B3GNT2: variants seen among roughly 807,000 people sequenced by gnomAD.
The protein encoded by B3GNT2 is N-acetyllactosaminide beta-1,3-N-acetylglucosaminyltransferase 2.
Under a neutral mutation model 27.6 loss-of-function variants are expected in B3GNT2, and 12 were observed. That is an observed-to-expected ratio of 0.44 (90% CI 0.28 to 0.71). The LOEUF (loss-of-function observed/expected upper bound fraction) is 0.71. Ranked by LOEUF, B3GNT2 falls within the 30% of genes least tolerant of loss-of-function variation. B3GNT2 has a pLI of 0.17. For missense variants in B3GNT2, 413 were observed against 488.5 expected (o/e 0.85, Z 1.46); for synonymous variants, 192 against 189.7 (o/e 1.01, Z -0.10).
intron 1 of B3GNT2, among the ~76,000 whole-genome samples, chr2:62,203,344 G>C (rs1674306877): frequency 6.6e-6 from 1 of 152,132 alleles, no homozygotes; most frequent in South Asian, 2.1e-4. Context: ...AGGTATATTG[G>C]GGCATTTTTT....
At chr2:62,200,039 A>AT (rs1316707341) in intron 1 of B3GNT2, among the ~76,000 whole-genome samples, 8 of 152,172 alleles carry the variant, frequency 5.3e-5, no homozygotes, top group African/African-American at 1.7e-4. Context: ...GGAAAAAGTT[A>AT]TTTGTACTGA....
chr2:62,202,438 G>T (rs569988616), intron 1 of B3GNT2, among the ~76,000 whole-genome samples: 1 of 152,314 alleles, frequency 6.6e-6, no homozygotes, highest in East Asian at 1.9e-4. Flanking sequence ...CATTGGGTTT[G>T]GAGTGCATGG....
chr2:62,204,121 G>C lies in B3GNT2; in HGVS notation c.-10+7766G>C, dbSNP rs578246081. Among the ~76,000 whole-genome samples, 4 of 152,224 alleles carry C rather than the reference G, an allele frequency of 2.6e-5. No individual in the cohort carries two copies. The South Asian group carries it at 8.3e-4, about 32-fold the overall frequency. Reference sequence around the variant, plus strand: ...GGCTCACTGCAACCTCTTTCTCCTGGGTTCAAGCAATTCTCCTGCCTCAGT... The same window carrying C: ...GGCTCACTGCAACCTCTTTCTCCTGCGTTCAAGCAATTCTCCTGCCTCAGT... On this transcript the variant is annotated intron_variant, in intron 1 of 1. Coordinates refer to ENST00000301998, the MANE Select transcript of B3GNT2 (RefSeq NM_006577.6).
chr2:62,216,501 G>C (rs1674575884), intron 1 of B3GNT2, among the ~76,000 whole-genome samples: 2 of 151,964 alleles, frequency 1.3e-5, no homozygotes, highest in Non-Finnish European at 2.9e-5. Flanking sequence ...GATCTTCTGG[G>C]TTCAAGCAGC....
In B3GNT2 at chr2:62,224,710, A is replaced by T. The variant is rs1229868377; in HGVS notation, c.*1296A>T. The T allele has an allele frequency of 1.8e-5, 3 of 167,074 alleles. No individual in the cohort carries two copies. Among genetic ancestry groups the T allele is most frequent in the African/African-American group, 7.2e-5 (3 of 41,450 alleles). The allele number at this position is 167,074 out of a possible 1,614,324, so 10.3% of individuals were successfully genotyped here. On this transcript the variant is annotated 3_prime_UTR_variant, in exon 2 of 2. Coordinates refer to ENST00000301998, the MANE Select transcript of B3GNT2 (RefSeq NM_006577.6). ...GATACTGGGGACTATAAACAATGGA[A>T]ATAAAGCCACTGTATTTTTAATTTT...
At chr2:62,211,747 T>C (rs1245306629) in intron 1 of B3GNT2, among the ~76,000 whole-genome samples, 1 of 152,036 alleles carries the variant, frequency 6.6e-6, no homozygotes, top group East Asian at 1.9e-4. Context: ...AGAAGCTGTC[T>C]GTCCATGAAC....
intron 1 of B3GNT2, among the ~76,000 whole-genome samples, chr2:62,213,359 A>G (rs549719869): frequency 7.2e-5 from 11 of 152,264 alleles, no homozygotes; most frequent in African/African-American, 2.6e-4. Context: ...AATCTGTACT[A>G]AGGATCTTCC....
At chr2:62,218,435 A>T (rs1402293996) in intron 1 of B3GNT2, among the ~76,000 whole-genome samples, 1 of 152,188 alleles carries the variant, frequency 6.6e-6, no homozygotes, top group African/African-American at 2.4e-5. Flanking sequence ...GCCTTTGGGA[A>T]TCTGAAGTCT....
At chr2:62,199,656 A>G (rs1349536487) in intron 1 of B3GNT2, among the ~76,000 whole-genome samples, 2 of 152,262 alleles carry the variant, frequency 1.3e-5, no homozygotes, top group East Asian at 3.8e-4. Context: ...TGGTGTGTAC[A>G]GAAGGTTAAA....
chr2:62,197,403 T>TA (rs1448803323), intron 1 of B3GNT2, among the ~76,000 whole-genome samples: 1 of 152,196 alleles, frequency 6.6e-6, no homozygotes, highest in Non-Finnish European at 1.5e-5. Flanking sequence ...AGCTCATCTT[T>TA]AAAAATATGT....
chr2:62,204,151 T>G (rs1047357782), intron 1 of B3GNT2, among the ~76,000 whole-genome samples: 3 of 152,154 alleles, frequency 2.0e-5, no homozygotes, highest in South Asian at 2.1e-4. Flanking sequence ...CTCAGTCTCC[T>G]GAGTAGCTGG....
At chr2:62,200,991 A>G (rs1268912395) in intron 1 of B3GNT2, among the ~76,000 whole-genome samples, 11 of 152,226 alleles carry the variant, frequency 7.2e-5, no homozygotes, top group Non-Finnish European at 1.6e-4. Context: ...AATGGGGAAG[A>G]TAAAGCCCTA....
intron 1 of B3GNT2, among the ~76,000 whole-genome samples, chr2:62,212,209 C>T (rs1443502415): frequency 6.6e-6 from 1 of 152,172 alleles, no homozygotes; most frequent in Non-Finnish European, 1.5e-5. Context: ...CATATGTGTG[C>T]ATGCGCATGC....
At chr2:62,210,898 T>A (rs1674470336) in intron 1 of B3GNT2, among the ~76,000 whole-genome samples, 1 of 151,516 alleles carries the variant, frequency 6.6e-6, no homozygotes, top group African/African-American at 2.4e-5. Context: ...AGGGTGAGAG[T>A]GAGGGGAATA....
In B3GNT2 at chr2:62,223,026, A is replaced by G; in HGVS notation, c.806A>G (p.Asp269Gly). Reference protein sequence around the residue: ...LNSLSKTKAKDLFIGDVIHNA... With the variant: ...LNSLSKTKAKGLFIGDVIHNA... Reference sequence around the variant, plus strand: ...AGTTTATCCAAGACCAAAGCCAAAGATCTCTTCATAGGTGATGTGATCCAC... The same window carrying G: ...AGTTTATCCAAGACCAAAGCCAAAGGTCTCTTCATAGGTGATGTGATCCAC... Residue 269 changes from aspartate to glycine, a missense_variant, in exon 2 of 2, where the codon GAT becomes GGT. Transcript: ENST00000301998. The G allele has an allele frequency of 6.2e-7, 1 of 1,614,224 alleles. No individual in the cohort carries two copies. The highest frequency in any genetic ancestry group is 8.5e-7 in the Non-Finnish European group (1 of 1,180,044).
chr2:62,213,349 A>T (rs1293242861), intron 1 of B3GNT2, among the ~76,000 whole-genome samples: 1 of 152,140 alleles, frequency 6.6e-6, no homozygotes, highest in South Asian at 2.1e-4. Flanking sequence ...CCAGGTTGCA[A>T]ATCTGTACTA....
At chr2:62,217,420 T>TTA (rs1674597803) in intron 1 of B3GNT2, among the ~76,000 whole-genome samples, 3 of 152,124 alleles carry the variant, frequency 2.0e-5, no homozygotes. Flanking sequence ...CAGTGGGAAT[T>TTA]TAGAGTATCT....
chr2:62,224,600 C>A lies in B3GNT2; in HGVS notation c.*1186C>A, dbSNP rs1048789871. Reference sequence around the variant, plus strand: ...TGAACTACTAGAGTTTAAAATTCTGCCAAACTATTACTTATATGTACTATT... The same window carrying A: ...TGAACTACTAGAGTTTAAAATTCTGACAAACTATTACTTATATGTACTATT... On this transcript the variant is annotated 3_prime_UTR_variant, in exon 2 of 2. Coordinates refer to ENST00000301998, the MANE Select transcript of B3GNT2 (RefSeq NM_006577.6). The A allele has an allele frequency of 6.0e-6, 1 of 166,918 alleles. No individual in the cohort carries two copies. Among genetic ancestry groups the A allele is most frequent in the Non-Finnish European group, 1.5e-5 (1 of 68,088 alleles). The allele number at this position is 166,918 out of a possible 1,614,324, so 10.3% of individuals were successfully genotyped here. A position where few individuals can be genotyped will look rare whatever the true frequency, so the allele number is the denominator to read the frequency against.
In B3GNT2 at chr2:62,223,601, T is replaced by C. The variant is rs542424382; in HGVS notation, c.*187T>C. 8.7e-6 allele frequency: 5 copies of C among 572,486 alleles called. No homozygotes were observed. The African/African-American group carries it at 9.5e-5, about 11-fold the overall frequency. The allele number at this position is 572,486 out of a possible 1,614,324, so 35.5% of individuals were successfully genotyped here. On this transcript the variant is annotated 3_prime_UTR_variant, in exon 2 of 2. Transcript: ENST00000301998. ...GAGGGAAAGCGGAAGATGGTAATTT[T>C]TTTTTATGGATGATATGGCAGGATG...
Sources: gnomAD v4.1 joint callset for allele counts (sites outside exome capture counted in the v4.1 genomes callset) on GRCh38, gnomAD v4.1.1 for gene constraint, MANE v1.5 for transcripts, NCBI Gene and HGNC (gene_info 2026-07-23, HGNC 2026-07-21) for gene names.